Variants in SULT1E1 observed in about 807,000 individuals in gnomAD.
The protein encoded by SULT1E1 is sulfotransferase family 1E member 1, also known as sulfotransferase 1E1.
SULT1E1 carries 36 observed loss-of-function variants against 33.6 expected under a neutral mutation model. That is an observed-to-expected ratio of 1.07 (90% CI 0.82 to 1.41). The LOEUF is 1.41. Ranked by LOEUF, SULT1E1 falls within the 40% of genes most tolerant of loss-of-function variation. The pLI, the probability that SULT1E1 is intolerant of heterozygous loss-of-function variation, is 0.00. For missense variants in SULT1E1, 371 were observed against 345.7 expected, an observed-to-expected ratio of 1.07 and a Z score of -0.58; for synonymous variants, 121 against 111.7, an observed-to-expected ratio of 1.08 and a Z score of -0.53.
At chr4:69,848,255 T>G (rs1721022075) in intron 5 of SULT1E1, among the ~76,000 whole-genome samples, 2 of 151,892 alleles carry the variant, frequency 1.3e-5, no homozygotes, top group South Asian at 4.1e-4. Context: ...ATATGAGTAT[T>G]TATTACACTA....
intron 6 of SULT1E1, among the ~76,000 whole-genome samples, chr4:69,847,471 T>G (rs573591226): frequency 2.0e-5 from 3 of 151,664 alleles, no homozygotes; most frequent in Non-Finnish European, 4.4e-5. Flanking sequence ...ATTTTTTCTT[T>G]GAAATTTTTG....
chr4:69,836,524 A>C (rs1720799375), downstream of SULT1E1, among the ~76,000 whole-genome samples: 3 of 152,158 alleles, frequency 2.0e-5, no homozygotes, highest in African/African-American at 7.2e-5. Flanking sequence ...GTGAAGAGTT[A>C]ATTATACTGT....
At chr4:69,845,005 G>T (rs1034654848) in intron 6 of SULT1E1, among the ~76,000 whole-genome samples, 1 of 152,016 alleles carries the variant, frequency 6.6e-6, no homozygotes, top group Non-Finnish European at 1.5e-5. Flanking sequence ...TTGCCTTTTC[G>T]ATTTCAGCTT....
At chr4:69,854,576 T>C (rs947493035) in intron 3 of SULT1E1, among the ~76,000 whole-genome samples, 2 of 151,832 alleles carry the variant, frequency 1.3e-5, no homozygotes, top group African/African-American at 4.8e-5. Flanking sequence ...AATTAAAAAT[T>C]AAAAGATTCT....
At chr4:69,830,734 C>T in the SULT1E1 span, among the ~76,000 whole-genome samples, 8 of 139,146 alleles carry the variant, frequency 5.7e-5, no homozygotes, top group South Asian at 1.2e-3. Context: ...TGGCACTCTT[C>T]CATATTAAAC....
chr4:69,824,656 C>T, the SULT1E1 span, among the ~76,000 whole-genome samples: 6 of 152,098 alleles, frequency 3.9e-5, no homozygotes, highest in African/African-American at 1.4e-4. Context: ...AATCAGCACT[C>T]TGTGTCTAGC....
At chr4:69,857,412 G>T in intron 2 of SULT1E1, 88 bp downstream of exon 2, 2 of 1,436,682 alleles carry the variant, frequency 1.4e-6, no homozygotes, top group Non-Finnish European at 1.9e-6. Flanking sequence ...TATAGAGAAT[G>T]AGTGTGTACG....
At chr4:69,822,571 A>G in the SULT1E1 span, among the ~76,000 whole-genome samples, 6 of 152,240 alleles carry the variant, frequency 3.9e-5, no homozygotes, top group South Asian at 8.3e-4. Context: ...AACTGTGACC[A>G]TGCCAACCTG....
intron 1 of SULT1E1, 76 bp from the exon 2 acceptor site, chr4:69,857,729 G>T: frequency 7.3e-7 from 1 of 1,368,400 alleles, no homozygotes; most frequent in East Asian, 2.4e-5. Context: ...TATATAACGG[G>T]ACCCTCCTAC....
At chr4:69,839,028 A>G (rs1039793664), downstream of SULT1E1, among the ~76,000 whole-genome samples, 24 of 152,174 alleles carry the variant, frequency 1.6e-4, no homozygotes, top group African/African-American at 5.3e-4. Context: ...ATAGTCTCAT[A>G]CTACTTCATT....
the SULT1E1 span, among the ~76,000 whole-genome samples, chr4:69,826,677 T>C: frequency 6.6e-6 from 1 of 152,150 alleles, no homozygotes; most frequent in South Asian, 2.1e-4. Context: ...TTCTGCACTA[T>C]GGCTTGGCCC....
chr4:69,821,257 A>C, the SULT1E1 span, among the ~76,000 whole-genome samples: 1 of 152,202 alleles, frequency 6.6e-6, no homozygotes, highest in Non-Finnish European at 1.5e-5. Flanking sequence ...TACGTTTTTC[A>C]CACAATGTTC....
Position 69,858,606 on chromosome 4 carries a change from C to T in SULT1E1, c.-9-953G>A, listed in dbSNP as rs138758405. On this transcript the variant is annotated intron_variant, in intron 1 of 7. Transcript: ENST00000226444. ...TGCCCAAAAACCTGCCTGATAAGTTCTTCTACACACATAAATTGCCCCAGC... is the reference window on the plus strand; with the variant it reads ...TGCCCAAAAACCTGCCTGATAAGTTTTTCTACACACATAAATTGCCCCAGC... Among the ~76,000 whole-genome samples, 156 of 152,212 alleles carry T rather than the reference C, an allele frequency of 1.0e-3. 5 individuals carry two copies. The East Asian group carries it at 0.029, about 28-fold the overall frequency.
At chr4:69,853,733 C>T (rs190398047) in intron 4 of SULT1E1, among the ~76,000 whole-genome samples, 1 of 152,250 alleles carries the variant, frequency 6.6e-6, no homozygotes, top group Admixed American at 6.5e-5. Context: ...GCACTCAATA[C>T]ATAGTTATTA....
intron 1 of SULT1E1, 67 bp from the exon 2 acceptor site, chr4:69,857,720 A>G (rs1721274118): frequency 6.2e-6 from 9 of 1,455,834 alleles, no homozygotes; most frequent in East Asian, 4.6e-5. Flanking sequence ...ACAACTATGT[A>G]TATAACGGGA....
chr4:69,840,591 C>T (rs1169800452), downstream of SULT1E1, among the ~76,000 whole-genome samples: 1 of 152,012 alleles, frequency 6.6e-6, no homozygotes, highest in Non-Finnish European at 1.5e-5. Context: ...TGTTGGATTG[C>T]ATATAGGACA....
downstream of SULT1E1, among the ~76,000 whole-genome samples, chr4:69,840,736 A>G (rs1720864144): frequency 6.6e-6 from 1 of 152,172 alleles, no homozygotes; most frequent in South Asian, 2.1e-4. Flanking sequence ...TTTAAAATTA[A>G]CTCATTTTGT....
chr4:69,842,052 T>G lies in SULT1E1; in HGVS notation c.827A>C (p.Asp276Ala). 6.2e-7 allele frequency: 1 copy of G among 1,612,232 alleles called. No homozygotes were observed. Among genetic ancestry groups the G allele is most frequent in the Non-Finnish European group, 8.5e-7 (1 of 1,179,410 alleles). The change falls in exon 8 of 8, where the codon GAT becomes GCT. Residue 276 changes from aspartate (D) to alanine (A), a missense_variant. By Grantham distance (126) the Asp-to-Ala change is moderately radical (BLOSUM62 -2). Coordinates refer to ENST00000226444, the MANE Select transcript of SULT1E1 (RefSeq NM_005420.3). ...HFTVALNEKF[D>A]KHYEQQMKES... The stretch of plus-strand genomic sequence containing the variant: ...CTTCATTTGCTGCTCATAATGTTTA[T>G]CAAATTTTTCATTCAGGGCTACTGT...
chr4:69,829,285 C>T, the SULT1E1 span, among the ~76,000 whole-genome samples: 6 of 152,176 alleles, frequency 3.9e-5, no homozygotes, highest in Admixed American at 1.3e-4. Context: ...TGGCATTTGA[C>T]TATGATTCTA....
Sources: allele counts gnomAD v4.1 joint callset (sites outside exome capture counted in the v4.1 genomes callset), GRCh38; gene constraint gnomAD v4.1.1; transcripts MANE v1.5; gene names NCBI Gene and HGNC (gene_info 2026-07-23, HGNC 2026-07-21).